The following GLIS3 variants were observed in gnomAD, a reference collection of about 807,000 sequenced individuals.
GLIS3 encodes GLIS family zinc finger 3.
Under a neutral mutation model 78.6 loss-of-function variants are expected in GLIS3, and 53 were observed. That is an observed-to-expected ratio of 0.67 (90% CI 0.54 to 0.85). The LOEUF (loss-of-function observed/expected upper bound fraction) is 0.85. Among genes scored for constraint, GLIS3 ranks in the 40% least tolerant of loss-of-function variants. The probability of loss-of-function intolerance (pLI) is 0.00; values close to 1 mark genes in which losing one functional copy is unlikely to be tolerated. For missense variants in GLIS3, 1,703 were observed against 1,231.1 expected, an observed-to-expected ratio of 1.38 and a Z score of -5.74; for synonymous variants, 684 against 509.9, an observed-to-expected ratio of 1.34 and a Z score of -4.60.
At chr9:4,240,728 A>C (rs887947887) in intron 2 of GLIS3, among the ~76,000 whole-genome samples, 4 of 152,198 alleles carry the variant, frequency 2.6e-5, no homozygotes, top group African/African-American at 9.7e-5. Flanking sequence ...AATCACAGTA[A>C]AACCAATATT....
At chr9:4,182,716 C>A (rs1461762093) in intron 2 of GLIS3, among the ~76,000 whole-genome samples, 2 of 152,162 alleles carry the variant, frequency 1.3e-5, no homozygotes, top group Non-Finnish European at 2.9e-5. Flanking sequence ...TATATGAGAT[C>A]ATTGGCGACT....
chr9:4,484,249 T>A, the GLIS3 span, among the ~76,000 whole-genome samples: 193 of 145,292 alleles, frequency 1.3e-3, 2 homozygotes, highest in Non-Finnish European at 1.9e-3. Context: ...ATTTTTTTTA[T>A]TTTTTTGAGA....
intron 2 of GLIS3, among the ~76,000 whole-genome samples, chr9:4,343,391 G>C (rs1233409887): frequency 2.0e-5 from 3 of 152,084 alleles, no homozygotes; most frequent in African/African-American, 4.8e-5. Flanking sequence ...AGTCAGAATG[G>C]CTATTATAAA....
chr9:4,184,916 C>T (rs1817647448), intron 2 of GLIS3, among the ~76,000 whole-genome samples: 1 of 152,144 alleles, frequency 6.6e-6, no homozygotes, highest in African/African-American at 2.4e-5. Flanking sequence ...GCCACAGTTG[C>T]TGACATAAAA....
intron 4 of GLIS3, among the ~76,000 whole-genome samples, chr9:4,091,302 G>A (rs911108892): frequency 1.3e-5 from 2 of 151,972 alleles, no homozygotes; most frequent in Non-Finnish European, 2.9e-5. Flanking sequence ...GGGAGTTCGA[G>A]GCTGAAGTGG....
intron 2 of GLIS3, among the ~76,000 whole-genome samples, chr9:4,265,918 T>TTGTG (rs1420308144): frequency 1.9e-5 from 2 of 106,384 alleles, no homozygotes; most frequent in African/African-American, 8.4e-5. Flanking sequence ...GTTTGTCTGT[T>TTGTG]TGTTTGTTTG....
At chr9:3,843,381 T>A (rs1481786367) in intron 9 of GLIS3, among the ~76,000 whole-genome samples, 1 of 152,208 alleles carries the variant, frequency 6.6e-6, no homozygotes, top group Non-Finnish European at 1.5e-5. Flanking sequence ...CCCCAAAACC[T>A]ACTCTCTGGA....
At chr9:3,873,947 A>G (rs185972451) in intron 8 of GLIS3, among the ~76,000 whole-genome samples, 1 of 152,372 alleles carries the variant, frequency 6.6e-6, no homozygotes, top group East Asian at 1.9e-4. Context: ...AATACTCTCC[A>G]AAGAGACCAC....
intron 4 of GLIS3, among the ~76,000 whole-genome samples, chr9:4,073,462 T>TC (rs1827783403): frequency 6.6e-6 from 1 of 152,154 alleles, no homozygotes; most frequent in African/African-American, 2.4e-5. Flanking sequence ...TGAAAGTCAC[T>TC]CATAAGTGGA....
chr9:4,057,965 G>T (rs774626886), intron 4 of GLIS3, among the ~76,000 whole-genome samples: 106 of 152,244 alleles, frequency 7.0e-4, no homozygotes, highest in Admixed American at 6.6e-4. Flanking sequence ...ATATGTATAG[G>T]TGTTTATCTT....
At chr9:4,092,889 T>A (rs947200793) in intron 4 of GLIS3, among the ~76,000 whole-genome samples, 2 of 152,252 alleles carry the variant, frequency 1.3e-5, no homozygotes, top group African/African-American at 4.8e-5. Flanking sequence ...CTATATGTGC[T>A]TTATTTTTAT....
chr9:4,311,902 C>G (rs943491727), intron 2 of GLIS3, among the ~76,000 whole-genome samples: 13 of 152,116 alleles, frequency 8.5e-5, no homozygotes, highest in Admixed American at 7.9e-4. Context: ...CTTTAAAAAT[C>G]TATTCTTCTT....
In GLIS3 at chr9:3,895,598, CA is replaced by C. The variant is rs1822772994; in HGVS notation, c.2128+3092del. On this transcript the variant is annotated intron_variant, in intron 7 of 10. Coordinates refer to ENST00000381971, the MANE Select transcript of GLIS3 (RefSeq NM_001042413.2). ...GTATTTTCAGGCAATCCTTTCCAATCAAGCTCTGTCTTTCTTTTCAACCTGA... is the reference window on the plus strand; with the variant it reads ...GTATTTTCAGGCAATCCTTTCCAATCAGCTCTGTCTTTCTTTTCAACCTGA... Among the ~76,000 whole-genome samples the C allele has an allele frequency of 1.3e-5, 2 of 152,218 alleles. 1 individual carries two copies. The highest frequency in any genetic ancestry group is 4.8e-5 in the African/African-American group (2 of 41,454).
rs1039491146 is a variant in GLIS3, at chr9:3,826,897, T to A, written c.*1375A>T. ...TACTGTGTCTTTGGGACTGGCCAAT[T>A]TTTATAGCTGATGCCCTAGGACTTA... On this transcript the variant is annotated 3_prime_UTR_variant, in exon 11 of 11. Coordinates refer to ENST00000381971, the MANE Select transcript of GLIS3 (RefSeq NM_001042413.2). 6.6e-6 allele frequency: 1 copy of A among 152,174 alleles called. No homozygotes were observed. The highest frequency in any genetic ancestry group is 2.4e-5 in the African/African-American group (1 of 41,446). The allele number at this position is 152,174 out of a possible 1,614,324, so 9.4% of individuals were successfully genotyped here. A position where few individuals can be genotyped will look rare whatever the true frequency, so the allele number is the denominator to read the frequency against.
chr9:4,304,468 T>A (rs1030087972), upstream of GLIS3, among the ~76,000 whole-genome samples: 1 of 152,188 alleles, frequency 6.6e-6, no homozygotes, highest in African/African-American at 2.4e-5. Flanking sequence ...TGCGCCCTGC[T>A]CCAGTGACCC....
chr9:4,458,949 A>G, the GLIS3 span, among the ~76,000 whole-genome samples: 1 of 152,210 alleles, frequency 6.6e-6, no homozygotes, highest in Non-Finnish European at 1.5e-5. Flanking sequence ...AAGAGTGATA[A>G]GAGGCAAGAT....
chr9:3,865,201 G>T (rs901264029), intron 8 of GLIS3, among the ~76,000 whole-genome samples: 1 of 152,046 alleles, frequency 6.6e-6, no homozygotes, highest in Non-Finnish European at 1.5e-5. Flanking sequence ...AACACAAAAG[G>T]TTCATCCAAT....
At chr9:4,101,444 G>C (rs1045387077) in intron 4 of GLIS3, among the ~76,000 whole-genome samples, 12 of 152,078 alleles carry the variant, frequency 7.9e-5, no homozygotes, top group African/African-American at 2.9e-4. Flanking sequence ...TTATTATTCT[G>C]TATAAACCAT....
intron 1 of GLIS3, among the ~76,000 whole-genome samples, chr9:4,291,615 G>A (rs1815986635): frequency 1.3e-5 from 2 of 151,980 alleles, no homozygotes; most frequent in Admixed American, 6.6e-5. Flanking sequence ...AAAAGGGAGA[G>A]GAAGGGAGTA....
Sources: gnomAD v4.1 joint callset for allele counts (sites outside exome capture counted in the v4.1 genomes callset) on GRCh38, gnomAD v4.1.1 for gene constraint, MANE v1.5 for transcripts, NCBI Gene and HGNC (gene_info 2026-07-23, HGNC 2026-07-21) for gene names.